Variants in INSR observed in about 807,000 individuals in gnomAD.
INSR encodes IR.
In INSR, 67 loss-of-function variants were observed where a neutral mutation model predicts 142.6. That is an observed-to-expected ratio of 0.47 (90% CI 0.39 to 0.58). The LOEUF is 0.58. Among genes scored for constraint, INSR ranks in the 20% least tolerant of loss-of-function variants. The pLI is 0.00. For synonymous variants in INSR, 756 were observed against 743.1 expected, an observed-to-expected ratio of 1.02 and a Z score of -0.28; for missense variants, 1,248 against 1,833.2, an observed-to-expected ratio of 0.68 and a Z score of 5.83.
At position 7,132,295 on chromosome 19, in the gene INSR, C is replaced by A. The variant is rs753474375; in HGVS notation, c.2705G>T (p.Arg902Leu). ...GDEELHLCVS[R>L]KHFALERGCR... is the part of the protein sequence containing the mutation. ...GCCCCGTTCCAGAGCGAAGTGCTTG[C>A]GGGAGACGCAGAGATGCAGCTCCTG... The change falls in exon 14 of 22, where the codon CGC (arginine) becomes CTC (leucine). Residue 902 changes from arginine (R) to leucine (L), a missense_variant. Physicochemically the swap from Arg to Leu is moderately radical, Grantham distance 102. Around this residue, in one of 3 missense-constraint regions of INSR, gnomAD observed 1,069 missense variants for 1,654.0 expected, o/e 0.65. Coordinates refer to ENST00000302850, the MANE Select transcript of INSR (RefSeq NM_000208.4). The A allele has an allele frequency of 1.2e-6, 2 of 1,614,054 alleles. No homozygotes were observed. The highest frequency in any genetic ancestry group is 1.3e-5 in the African/African-American group (1 of 75,048).
intron 2 of INSR, among the ~76,000 whole-genome samples, chr19:7,262,427 G>A (rs1469365515): frequency 1.3e-5 from 2 of 152,124 alleles, no homozygotes; most frequent in African/African-American, 4.8e-5. Flanking sequence ...AGCTGAGATC[G>A]CACCATTGCA....
At chr19:7,134,229 G>C (rs1040183177) in intron 13 of INSR, among the ~76,000 whole-genome samples, 36 of 152,220 alleles carry the variant, frequency 2.4e-4, no homozygotes, top group Non-Finnish European at 4.4e-4. Flanking sequence ...AGAACTGTCT[G>C]GCTCTAGAAC....
chr19:7,237,572 T>C (rs1976199621), intron 2 of INSR, among the ~76,000 whole-genome samples: 1 of 151,854 alleles, frequency 6.6e-6, no homozygotes, highest in Non-Finnish European at 1.5e-5. Context: ...TCCCAGCACT[T>C]TGGAAGGCCG....
At position 7,184,409 on chromosome 19, in the gene INSR, T is replaced by C. The variant is rs201147780; in HGVS notation, c.881A>G (p.Lys294Arg). 151 of 1,614,102 alleles carry C rather than the reference T, an allele frequency of 9.4e-5. No individual in the cohort carries two copies. In the East Asian group the frequency reaches 1.6e-3, roughly 17 times the overall value. ...SFCQDLHHKCKNSRRQGCHQY... is the reference protein window; with the variant it reads ...SFCQDLHHKCRNSRRQGCHQY... ...GTGGCAGCCCTGCCTCCGCGAGTTC[T>C]TGCATTTGTGGTGCAGGTCCTGGCA... The change falls in exon 3 of 22, where the codon AAG becomes AGG. Residue 294 changes from lysine to arginine, a missense_variant. Transcript: ENST00000302850.
intron 10 of INSR, among the ~76,000 whole-genome samples, chr19:7,151,172 C>CTTTTCT (rs1383564473): frequency 2.8e-4 from 2 of 7,270 alleles, no homozygotes; most frequent in South Asian, 0.012. Flanking sequence ...CTCTTTCTTT[C>CTTTTCT]TTTCTTTCTT....
chr19:7,144,416 A>ATTTG (rs1276504750), intron 11 of INSR, among the ~76,000 whole-genome samples: 1 of 151,854 alleles, frequency 6.6e-6, no homozygotes, highest in African/African-American at 2.4e-5. Context: ...TTATTTATTT[A>ATTTG]TTTTGAGACA....
At chr19:7,195,501 G>A (rs1231488795) in intron 2 of INSR, among the ~76,000 whole-genome samples, 1 of 152,026 alleles carries the variant, frequency 6.6e-6, no homozygotes, top group Non-Finnish European at 1.5e-5. Flanking sequence ...AAATTAGCTG[G>A]GTGTGGTGGC....
At chr19:7,221,125 G>T (rs1167389441) in intron 2 of INSR, among the ~76,000 whole-genome samples, 1 of 152,168 alleles carries the variant, frequency 6.6e-6, no homozygotes. Context: ...TGTAATCCCA[G>T]CACTTTGGGA....
chr19:7,291,664 T>G (rs1373509342), intron 1 of INSR, among the ~76,000 whole-genome samples: 3 of 151,878 alleles, frequency 2.0e-5, no homozygotes, highest in Non-Finnish European at 2.9e-5. Context: ...AAATGGTAAA[T>G]CCATTTACTG....
intron 2 of INSR, among the ~76,000 whole-genome samples, chr19:7,263,486 G>A (rs1024693781): frequency 2.6e-5 from 4 of 152,136 alleles, no homozygotes; most frequent in South Asian, 4.1e-4. Flanking sequence ...CCGGTACCCC[G>A]GGAAGTGTTA....
chr19:7,218,083 G>C (rs887113748), intron 2 of INSR, among the ~76,000 whole-genome samples: 1 of 151,768 alleles, frequency 6.6e-6, no homozygotes, highest in Non-Finnish European at 1.5e-5. Flanking sequence ...GGGGAAGAGA[G>C]ATTGCAAAAC....
At position 7,230,082 on chromosome 19, in the gene INSR, G is replaced by A. The variant is rs80203551; in HGVS notation, c.652+37263C>T. 3.5e-3 allele frequency among the ~76,000 whole-genome samples: 538 copies of A among 152,138 alleles called. 4 individuals are homozygous for A. The highest frequency in any genetic ancestry group is 0.012 in the African/African-American group (481 of 41,514). On this transcript the variant is annotated intron_variant, in intron 2 of 21. Transcript: ENST00000302850. ...ACTGGGTTTACAGACATGAGTCAGC[G>A]TACCCGGCTCAGAACTTTTATCCAT...
In INSR at chr19:7,184,060, C is replaced by CAAAAAAAAAAAAAA. The variant is rs533682498; in HGVS notation, c.974+242_974+255dup. Among the ~76,000 whole-genome samples the CAAAAAAAAAAAAAA allele has an allele frequency of 4.9e-3, 418 of 84,838 alleles. 10 individuals carry two copies. Among genetic ancestry groups the CAAAAAAAAAAAAAA allele is most frequent in the Middle Eastern group, 7.0e-3 (1 of 142 alleles). The allele number at this position is 84,838 out of a possible 152,430, so 55.7% of individuals were successfully genotyped here. On this transcript the variant is annotated intron_variant, in intron 3 of 21. Transcript: ENST00000302850. ...GGAGTCTTGCGGCAAGACTCCATCT[C>CAAAAAAAAAAAAAA]AAAAAAAAAAAAAAAGAATGGTGGG... is the stretch of plus-strand genomic sequence containing the variant.
chr19:7,293,358 G>A (rs1968548107), intron 1 of INSR, among the ~76,000 whole-genome samples: 1 of 152,192 alleles, frequency 6.6e-6, no homozygotes, highest in African/African-American at 2.4e-5. Context: ...CACTCAGGGC[G>A]CTTGGCTCTA....
At chr19:7,271,921 G>A (rs2145219808) in intron 1 of INSR, among the ~76,000 whole-genome samples, 1 of 151,962 alleles carries the variant, frequency 6.6e-6, no homozygotes, top group Non-Finnish European at 1.5e-5. Flanking sequence ...GAGGCAGGAG[G>A]ATCGCTTGAG....
Position 7,125,624 on chromosome 19 carries a change from C to T in INSR, c.3014-97G>A. The T allele has an allele frequency of 6.6e-7, 1 of 1,524,380 alleles. No individual in the cohort carries two copies. The highest frequency in any genetic ancestry group is 1.1e-5 in the South Asian group (1 of 88,370). The allele number at this position is 1,524,380 out of a possible 1,614,324, so 94.4% of individuals were successfully genotyped here. ...CCTCACCCAAACCCCCTCGAAAACA[C>T]TCATGAAATGAGTTCTGTGATCCAG... On this transcript the variant is annotated intron_variant, in intron 16 of 21. Transcript: ENST00000302850. This position sits in a 1 kb window ranked among gnomAD's most constrained non-coding sequence, Gnocchi z 4.9.
chr19:7,151,049 CTTTCTCTTTCT>C (rs1169475388), intron 10 of INSR, among the ~76,000 whole-genome samples: 4 of 64,042 alleles, frequency 6.2e-5, no homozygotes, highest in Non-Finnish European at 2.0e-4. Context: ...TTTTCATTTT[CTTTCTCTTTCT>C]TTTCTTTCTT....
chr19:7,208,236 C>T (rs1325710437), intron 2 of INSR, among the ~76,000 whole-genome samples: 2 of 152,128 alleles, frequency 1.3e-5, no homozygotes, highest in African/African-American at 4.8e-5. Context: ...TCCACGCCCA[C>T]CTCACCTTGA....
chr19:7,230,861 G>A (rs1440858148), intron 2 of INSR, among the ~76,000 whole-genome samples: 1 of 151,914 alleles, frequency 6.6e-6, no homozygotes, highest in Admixed American at 6.6e-5. Context: ...GGAGAGATTA[G>A]GTCAGACTGT....
Sources: allele counts gnomAD v4.1 joint callset (sites outside exome capture counted in the v4.1 genomes callset), GRCh38; gene constraint gnomAD v4.1.1; regional missense constraint gnomAD v4.1.1; non-coding constraint Gnocchi (gnomAD v3.1); transcripts MANE v1.5; gene names NCBI Gene and HGNC (gene_info 2026-07-23, HGNC 2026-07-21).